The following ZNF721 variants were observed in gnomAD, a reference collection of about 807,000 sequenced individuals.
The protein encoded by ZNF721 is zinc finger protein 721.
A neutral mutation model predicts 2.4 loss-of-function variants in ZNF721; 2 were observed. The observed-to-expected ratio is 0.82, with a 90% CI of 0.34 to 2.58. The LOEUF (loss-of-function observed/expected upper bound fraction) is 2.58, where lower values mean the gene tolerates loss of function less well. Ranked by LOEUF, ZNF721 falls within the 30% of genes most tolerant of loss-of-function variation. ZNF721 has a pLI of 0.11. For missense variants in ZNF721, 1,187 were observed against 1,085.5 expected, an observed-to-expected ratio of 1.09 and a Z score of -1.31; for synonymous variants, 398 against 381.8, an observed-to-expected ratio of 1.04 and a Z score of -0.50.
chr4:491,537 A>G (rs1553871468), intron 1 of ZNF721, among the ~76,000 whole-genome samples: 1 of 152,264 alleles, frequency 6.6e-6, no homozygotes, highest in African/African-American at 2.4e-5. Context: ...ATGTTTCAAG[A>G]GCAGACTGAA....
At chr4:471,126 A>G (rs1360674849) in intron 2 of ZNF721, among the ~76,000 whole-genome samples, 3 of 152,166 alleles carry the variant, frequency 2.0e-5, no homozygotes, top group Non-Finnish European at 2.9e-5. Flanking sequence ...TTTTTTTCCC[A>G]AAGACATACA....
At chr4:497,221 A>G (rs1716177176) in intron 1 of ZNF721, among the ~76,000 whole-genome samples, 1 of 151,944 alleles carries the variant, frequency 6.6e-6, no homozygotes, top group Admixed American at 6.6e-5. Flanking sequence ...CTCCCAAAAA[A>G]GGAGTTTTTT....
intron 1 of ZNF721, among the ~76,000 whole-genome samples, chr4:490,377 G>A (rs1401770550): frequency 6.6e-6 from 1 of 151,970 alleles, no homozygotes; most frequent in Non-Finnish European, 1.5e-5. Context: ...TCAGGAGGCT[G>A]AGAATGGCGT....
chr4:453,707 C>T (rs1714747572), intron 2 of ZNF721: 1 of 152,220 alleles, frequency 6.6e-6, no homozygotes, highest in Admixed American at 6.5e-5. Flanking sequence ...CAGAGGCCGC[C>T]AGGAATGAGC....
rs1376029664 is a variant in ZNF721 at position 487,534 on chromosome 4, G to T, written c.-94+11522C>A. Among the ~76,000 whole-genome samples the T allele has an allele frequency of 2.6e-5, 4 of 152,132 alleles. No individual in the cohort carries two copies. The East Asian group carries it at 7.7e-4, about 29-fold the overall frequency. On this transcript the variant is annotated intron_variant, in intron 1 of 2. Transcript: ENST00000511833. ...TCAATCCTGAGCTAGTATGTTTTGGGATTGTTTGTTATGCAGTTATAGCTT... is the reference window on the plus strand; with the variant it reads ...TCAATCCTGAGCTAGTATGTTTTGGTATTGTTTGTTATGCAGTTATAGCTT...
intron 1 of ZNF721, among the ~76,000 whole-genome samples, chr4:488,516 C>G (rs1715948746): frequency 1.3e-5 from 2 of 152,128 alleles, no homozygotes; most frequent in African/African-American, 4.8e-5. Flanking sequence ...CCCATCATTC[C>G]TTGTTTACTG....
chr4:495,715 G>A (rs560614849), intron 1 of ZNF721, among the ~76,000 whole-genome samples: 2 of 151,674 alleles, frequency 1.3e-5, no homozygotes, highest in East Asian at 1.9e-4. Context: ...CCATTCTCCT[G>A]CCTCAGCCCC....
chr4:443,090 G>A lies in ZNF721; in HGVS notation c.1377C>T (p.His459=). 3 of 1,613,846 alleles carry A rather than the reference G, an allele frequency of 1.9e-6. No individual in the cohort carries two copies. The highest frequency in any genetic ancestry group is 1.7e-4 in the Middle Eastern group (1 of 6,060). ...TATGAATTTTCTCATGTTTATTCAG[G>A]TGCAAGGAATGTATAAAGGCTTTCC... is the stretch of plus-strand genomic sequence containing the variant. ...ECGKAFIHSL[H]LNKHEKIHTG... is the part of the protein sequence containing the mutation. Residue 459 remains histidine, a synonymous_variant, in exon 3 of 3, where the codon CAC becomes CAT. Coordinates refer to ENST00000511833, the MANE Select transcript of ZNF721 (RefSeq NM_133474.4).
intron 1 of ZNF721, among the ~76,000 whole-genome samples, chr4:482,835 G>A (rs1553869742): frequency 6.6e-6 from 1 of 152,186 alleles, no homozygotes; most frequent in African/African-American, 2.4e-5. Context: ...AAGAGGGCTT[G>A]TAGTTACCAT....
In ZNF721 at chr4:444,362, T is replaced by G; in HGVS notation, c.105A>C (p.Ile35=). 6.2e-7 allele frequency: 1 copy of G among 1,613,288 alleles called. No homozygotes were observed. The highest frequency in any genetic ancestry group is 8.5e-7 in the Non-Finnish European group (1 of 1,179,666). ...QGIEDSFHKL[I]LRRYEKCGHD... ...GCCCACATTTCTCATATCTTCTCAG[T>G]ATAAGTTTGTGGAATGAATCTTCTA... The change falls in exon 3 of 3, where the codon ATA becomes ATC. Residue 35 remains isoleucine (I), a synonymous_variant. Coordinates refer to ENST00000511833, the MANE Select transcript of ZNF721 (RefSeq NM_133474.4).
At chr4:461,119 A>G (rs1553866025) in intron 2 of ZNF721, among the ~76,000 whole-genome samples, 1 of 152,206 alleles carries the variant, frequency 6.6e-6, no homozygotes. Context: ...CATCATCCTG[A>G]TAACAAAGCC....
intron 2 of ZNF721, among the ~76,000 whole-genome samples, chr4:446,698 TC>T (rs1231614074): frequency 1.3e-5 from 2 of 151,050 alleles, no homozygotes; most frequent in Non-Finnish European, 3.0e-5. Flanking sequence ...CTTTTTTTTT[TC>T]TTTTTTTTCT....
At chr4:446,670 C>A (rs1463129073) in intron 2 of ZNF721, among the ~76,000 whole-genome samples, 2 of 151,998 alleles carry the variant, frequency 1.3e-5, no homozygotes, top group African/African-American at 4.8e-5. Context: ...TGAGCCACCA[C>A]ACCCAACCCC....
intron 2 of ZNF721, among the ~76,000 whole-genome samples, chr4:464,753 G>T (rs1715187368): frequency 6.6e-6 from 1 of 152,060 alleles, no homozygotes; most frequent in Non-Finnish European, 1.5e-5. Flanking sequence ...ATAAAATAAA[G>T]ATTTCAGAAT....
At chr4:456,297 T>C (rs1418928360) in intron 2 of ZNF721, among the ~76,000 whole-genome samples, 1 of 152,106 alleles carries the variant, frequency 6.6e-6, no homozygotes, top group Admixed American at 6.5e-5. Flanking sequence ...CTTGAACTCC[T>C]GACCTCAGGT....
At position 475,279 on chromosome 4, in the gene ZNF721, T is replaced by C. The variant is rs557061771; in HGVS notation, c.-93-2578A>G. The stretch of plus-strand genomic sequence containing the variant: ...GACTGCCTTAGTTCATCAGCAATTG[T>C]TAGTAATATTTTGGCCTTTATATTA... On this transcript the variant is annotated intron_variant, in intron 1 of 2. Transcript: ENST00000511833. Among the ~76,000 whole-genome samples, 103 of 152,330 alleles carry C rather than the reference T, an allele frequency of 6.8e-4. No individual in the cohort carries two copies. The Middle Eastern group carries it at 0.01, about 15-fold the overall frequency.
intron 1 of ZNF721, among the ~76,000 whole-genome samples, chr4:473,051 A>G (rs1553868010): frequency 6.6e-6 from 1 of 152,086 alleles, no homozygotes; most frequent in Non-Finnish European, 1.5e-5. Flanking sequence ...AACTTAATTT[A>G]AAAAACAGAA....
At position 443,455 on chromosome 4, in the gene ZNF721, A is replaced by G. The variant is rs375702476; in HGVS notation, c.1012T>C (p.Cys338Arg). Reference protein sequence around the residue: ...TGEKPYTCGECGKTFRQSANL... With the variant: ...TGEKPYTCGERGKTFRQSANL... ...GCGGACTGTCTAAAGGTTTTGCCAC[A>G]TTCTCCACATGTGTAGGGTTTCTCT... The change falls in exon 3 of 3, where the codon TGT becomes CGT. Residue 338 changes from cysteine (C) to arginine (R), a missense_variant. Transcript: ENST00000511833. 4.7e-5 allele frequency: 75 copies of G among 1,611,842 alleles called. No individual in the cohort carries two copies. Among genetic ancestry groups the G allele is most frequent in the Non-Finnish European group, 5.9e-5 (70 of 1,178,368 alleles).
chr4:455,627 AG>A (rs1488309292), intron 2 of ZNF721, among the ~76,000 whole-genome samples: 2 of 151,802 alleles, frequency 1.3e-5, no homozygotes, highest in Non-Finnish European at 2.9e-5. Flanking sequence ...ACAGTAAAAA[AG>A]AAAAAAAAAG....
Sources: gnomAD v4.1 joint callset for allele counts (sites outside exome capture counted in the v4.1 genomes callset) on GRCh38, gnomAD v4.1.1 for gene constraint, MANE v1.5 for transcripts, NCBI Gene and HGNC (gene_info 2026-07-23, HGNC 2026-07-21) for gene names.